SMAP1: variants seen among roughly 807,000 people sequenced by gnomAD.
The protein encoded by SMAP1 is small ArfGAP 1.
In SMAP1, 24 loss-of-function variants were observed where a neutral mutation model predicts 58.5. The observed-to-expected ratio is 0.41, with a 90% CI of 0.30 to 0.58. The LOEUF (loss-of-function observed/expected upper bound fraction) is 0.58. SMAP1 is among the 20% of genes least tolerant of loss of function. The pLI is 0.29. For synonymous variants in SMAP1, 216 were observed against 196.6 expected (o/e 1.10, Z -0.82); for missense variants, 563 against 566.3 (o/e 0.99, Z 0.06).
intron 1 of SMAP1, among the ~76,000 whole-genome samples, chr6:70,674,404 C>T (rs983344752): frequency 6.6e-6 from 1 of 152,180 alleles, no homozygotes; most frequent in African/African-American, 2.4e-5. Flanking sequence ...TGAGCCACCA[C>T]ACCCAGCCCC....
chr6:70,725,945 G>C (rs936291151), intron 1 of SMAP1, among the ~76,000 whole-genome samples: 1 of 152,164 alleles, frequency 6.6e-6, no homozygotes, highest in Non-Finnish European at 1.5e-5. Context: ...TCGAAAAGCT[G>C]ACAAAGTAGA....
At chr6:70,719,519 T>A (rs1007173496) in intron 1 of SMAP1, among the ~76,000 whole-genome samples, 1 of 152,074 alleles carries the variant, frequency 6.6e-6, no homozygotes, top group African/African-American at 2.4e-5. Flanking sequence ...CACACCCATT[T>A]CCCCCCTGAA....
chr6:70,822,431 G>A (rs1408934354), intron 6 of SMAP1, among the ~76,000 whole-genome samples: 1 of 152,166 alleles, frequency 6.6e-6, no homozygotes, highest in African/African-American at 2.4e-5. Flanking sequence ...AGTAGTGGCT[G>A]TGCTGAGAAT....
At chr6:70,668,452 GC>G in intron 1 of SMAP1, 2 of 1,380,668 alleles carry the variant, frequency 1.4e-6, no homozygotes, top group South Asian at 1.5e-5. Flanking sequence ...TAGGAGCGAG[GC>G]TGGGAGCGCG....
At chr6:70,781,746 T>G (rs1767771325) in intron 4 of SMAP1, among the ~76,000 whole-genome samples, 1 of 152,242 alleles carries the variant, frequency 6.6e-6, no homozygotes, top group South Asian at 2.1e-4. Flanking sequence ...AACATTATGC[T>G]TTATGGCCTT....
intron 7 of SMAP1, among the ~76,000 whole-genome samples, chr6:70,849,178 G>A (rs181359195): frequency 2.0e-5 from 3 of 152,112 alleles, no homozygotes; most frequent in African/African-American, 7.2e-5. Flanking sequence ...CAGGTTTTTG[G>A]GGGGGTATGA....
At chr6:70,670,919 G>A (rs1035123067) in intron 1 of SMAP1, among the ~76,000 whole-genome samples, 1 of 152,208 alleles carries the variant, frequency 6.6e-6, no homozygotes, top group African/African-American at 2.4e-5. Context: ...AGGAGAAAAG[G>A]ATGGCATAGG....
intron 3 of SMAP1, among the ~76,000 whole-genome samples, chr6:70,768,000 T>G (rs1162857923): frequency 6.6e-6 from 1 of 150,936 alleles, no homozygotes; most frequent in African/African-American, 2.4e-5. Context: ...CTGCATCTAT[T>G]GAGATAATCA....
intron 1 of SMAP1, among the ~76,000 whole-genome samples, chr6:70,697,468 G>C (rs951836256): frequency 6.6e-6 from 1 of 151,988 alleles, no homozygotes; most frequent in Admixed American, 6.6e-5. Flanking sequence ...ACCACACCCA[G>C]CTAATTTTTT....
intron 4 of SMAP1, among the ~76,000 whole-genome samples, chr6:70,786,969 C>G (rs1361381060): frequency 6.6e-6 from 1 of 151,980 alleles, no homozygotes; most frequent in East Asian, 1.9e-4. Context: ...CATATGGAAC[C>G]AAAAAAGAGC....
At chr6:70,781,326 A>T (rs1007350587) in intron 4 of SMAP1, among the ~76,000 whole-genome samples, 1 of 152,146 alleles carries the variant, frequency 6.6e-6, no homozygotes, top group Admixed American at 6.6e-5. Flanking sequence ...TAATCCTCCT[A>T]TGGATGAGTT....
intron 1 of SMAP1, among the ~76,000 whole-genome samples, chr6:70,691,016 G>A (rs1042198536): frequency 2.0e-5 from 3 of 151,946 alleles, no homozygotes; most frequent in Non-Finnish European, 4.4e-5. Context: ...TTATTTAATC[G>A]ATATTAGGCC....
intron 7 of SMAP1, among the ~76,000 whole-genome samples, chr6:70,839,387 G>T (rs186115332): frequency 5.3e-5 from 8 of 152,270 alleles, no homozygotes; most frequent in African/African-American, 1.9e-4. Flanking sequence ...TTCTAAAGTA[G>T]TCAGCTCTTG....
intron 4 of SMAP1, among the ~76,000 whole-genome samples, chr6:70,790,602 A>G (rs994138376): frequency 3.3e-5 from 5 of 152,082 alleles, no homozygotes; most frequent in African/African-American, 7.2e-5. Context: ...AGCTTACACA[A>G]TTATAACAGA....
chr6:70,719,619 C>T (rs752884393), intron 1 of SMAP1, among the ~76,000 whole-genome samples: 3 of 151,996 alleles, frequency 2.0e-5, no homozygotes, highest in African/African-American at 4.8e-5. Flanking sequence ...AAGACGTACC[C>T]GAGACTGGGA....
chr6:70,672,687 GTGAA>G (rs1270167942), intron 1 of SMAP1, among the ~76,000 whole-genome samples: 1 of 152,128 alleles, frequency 6.6e-6, no homozygotes, highest in Non-Finnish European at 1.5e-5. Flanking sequence ...GAATGAATGT[GTGAA>G]TGAATGAGCA....
chr6:70,741,766 C>T (rs1005472490), intron 2 of SMAP1, among the ~76,000 whole-genome samples: 2 of 152,218 alleles, frequency 1.3e-5, no homozygotes, highest in African/African-American at 4.8e-5. Context: ...GAGGGCCCCA[C>T]CCCTGCAACA....
At chr6:70,714,054 C>T (rs1244488274) in intron 1 of SMAP1, among the ~76,000 whole-genome samples, 2 of 152,040 alleles carry the variant, frequency 1.3e-5, no homozygotes, top group Non-Finnish European at 2.9e-5. Flanking sequence ...CAAATATGGC[C>T]ACTCTTTTGG....
chr6:70,831,029 T>C (rs1770337029), intron 6 of SMAP1, among the ~76,000 whole-genome samples: 1 of 152,214 alleles, frequency 6.6e-6, no homozygotes, highest in South Asian at 2.1e-4. Flanking sequence ...TTCATGAGAT[T>C]TGATTTTAAT....
Sources: gnomAD v4.1 joint callset for allele counts (sites outside exome capture counted in the v4.1 genomes callset) on GRCh38, gnomAD v4.1.1 for gene constraint, MANE v1.5 for transcripts, NCBI Gene and HGNC (gene_info 2026-07-23, HGNC 2026-07-21) for gene names.